Variants in PDGFC observed in about 807,000 individuals in gnomAD.
PDGFC encodes platelet derived growth factor C.
PDGFC carries 12 observed loss-of-function variants against 35.5 expected under a neutral mutation model. The ratio of observed to expected loss-of-function variants is 0.34; its 90% CI spans 0.22 to 0.55. PDGFC has a LOEUF of 0.55. Ranked by LOEUF, PDGFC falls within the 20% of genes least tolerant of loss-of-function variation. PDGFC has a pLI of 0.91. For missense variants in PDGFC, 322 were observed against 412.4 expected (o/e 0.78, Z 1.90); for synonymous variants, 159 against 148.8 (o/e 1.07, Z -0.50).
Position 156,897,059 on chromosome 4 carries a change from A to C in PDGFC, c.119-46643T>G, listed in dbSNP as rs147385893. Reference sequence around the variant, plus strand: ...AGGAGCCCAGTCGATACCTCTTTGCAGTAATAAAGAAATCTTAAAATGTAC... The same window carrying C: ...AGGAGCCCAGTCGATACCTCTTTGCCGTAATAAAGAAATCTTAAAATGTAC... On this transcript the variant is annotated intron_variant, in intron 1 of 5. Transcript: ENST00000502773. 1.4e-4 allele frequency among the ~76,000 whole-genome samples: 21 copies of C among 152,332 alleles called. No homozygotes were observed. The East Asian group carries it at 3.9e-3, about 28-fold the overall frequency.
At chr4:156,888,112 C>CAGA (rs1332260519) in intron 1 of PDGFC, among the ~76,000 whole-genome samples, 1 of 151,528 alleles carries the variant, frequency 6.6e-6, no homozygotes, top group Non-Finnish European at 1.5e-5. Flanking sequence ...AAATTTATGA[C>CAGA]AATTACGGAG....
intron 1 of PDGFC, among the ~76,000 whole-genome samples, chr4:156,858,856 A>C (rs1729643922): frequency 6.6e-6 from 1 of 152,124 alleles, no homozygotes; most frequent in African/African-American, 2.4e-5. Context: ...TTGGAGATTA[A>C]GCATCTGTTA....
chr4:156,782,086 C>G (rs1344548343), intron 3 of PDGFC, among the ~76,000 whole-genome samples: 1 of 152,078 alleles, frequency 6.6e-6, no homozygotes, highest in East Asian at 1.9e-4. Flanking sequence ...CTTGTCCAAC[C>G]CTACAAGGAA....
intron 1 of PDGFC, among the ~76,000 whole-genome samples, chr4:156,933,392 C>T (rs1731599186): frequency 1.3e-5 from 2 of 152,168 alleles, no homozygotes; most frequent in Admixed American, 1.3e-4. Flanking sequence ...AGACACAGAG[C>T]AACACAAAAC....
At chr4:156,957,547 T>C (rs185231205) in intron 1 of PDGFC, among the ~76,000 whole-genome samples, 338 of 152,152 alleles carry the variant, frequency 2.2e-3, no homozygotes, top group African/African-American at 7.8e-3. Context: ...TTTTCCTTCA[T>C]GGCTTCCTCT....
chr4:156,941,852 T>C (rs1318998902), intron 1 of PDGFC, among the ~76,000 whole-genome samples: 1 of 152,120 alleles, frequency 6.6e-6, no homozygotes, highest in African/African-American at 2.4e-5. Context: ...ATGGTCTATT[T>C]TGCAAGAAGA....
chr4:156,832,623 G>A (rs934868151), intron 2 of PDGFC, among the ~76,000 whole-genome samples: 10 of 152,222 alleles, frequency 6.6e-5, no homozygotes, highest in Admixed American at 2.0e-4. Context: ...ATCAATGGCC[G>A]TTATTTTCTT....
At chr4:156,794,859 C>G (rs936079472) in intron 3 of PDGFC, among the ~76,000 whole-genome samples, 3 of 152,100 alleles carry the variant, frequency 2.0e-5, no homozygotes, top group African/African-American at 7.2e-5. Flanking sequence ...AGACACGTTA[C>G]CAATCACCTC....
chr4:156,909,091 A>T (rs1201046335), intron 1 of PDGFC, among the ~76,000 whole-genome samples: 1 of 152,202 alleles, frequency 6.6e-6, no homozygotes, highest in African/African-American at 2.4e-5. Flanking sequence ...AATAAATACC[A>T]GCATTTGAGA....
At chr4:156,854,915 A>C (rs1351121978) in intron 1 of PDGFC, among the ~76,000 whole-genome samples, 1 of 152,136 alleles carries the variant, frequency 6.6e-6, no homozygotes, top group Non-Finnish European at 1.5e-5. Flanking sequence ...AACGAGCTTG[A>C]CATGAAAAAT....
intron 4 of PDGFC, among the ~76,000 whole-genome samples, chr4:156,771,791 C>A (rs1347899367): frequency 2.0e-5 from 3 of 152,154 alleles, no homozygotes; most frequent in African/African-American, 7.2e-5. Context: ...CATATAAATT[C>A]TCTAGGCTGT....
rs537348403 is a variant in PDGFC at position 156,963,827 on chromosome 4, A to T, written c.118+6959T>A. On this transcript the variant is annotated intron_variant, in intron 1 of 5. Coordinates refer to ENST00000502773, the MANE Select transcript of PDGFC (RefSeq NM_016205.3). The stretch of plus-strand genomic sequence containing the variant: ...TATAACAACTTGGCTTTAATTATAA[A>T]CGTAGTTATTATAGTTCCCCTTTAT... Among the ~76,000 whole-genome samples, 186 of 152,268 alleles carry T rather than the reference A, an allele frequency of 1.2e-3. 1 individual carries two copies. Among genetic ancestry groups the T allele is most frequent in the Non-Finnish European group, 1.9e-3 (132 of 68,022 alleles).
intron 1 of PDGFC, among the ~76,000 whole-genome samples, chr4:156,949,667 A>T (rs900693811): frequency 6.6e-5 from 10 of 151,936 alleles, no homozygotes; most frequent in African/African-American, 2.4e-4. Flanking sequence ...CCTAGCCAAG[A>T]AATTTTCTAC....
chr4:156,803,338 T>C (rs1731667599), intron 3 of PDGFC, among the ~76,000 whole-genome samples: 2 of 152,094 alleles, frequency 1.3e-5, no homozygotes, highest in Non-Finnish European at 2.9e-5. Context: ...TGGTATATAG[T>C]TCAAGGCTCA....
intron 1 of PDGFC, among the ~76,000 whole-genome samples, chr4:156,950,718 A>G (rs995401666): frequency 1.3e-5 from 2 of 151,810 alleles, no homozygotes; most frequent in Non-Finnish European, 2.9e-5. Context: ...GCAGTGTTAA[A>G]TCAGAAAAAA....
intron 1 of PDGFC, among the ~76,000 whole-genome samples, chr4:156,850,896 A>C (rs1461360527): frequency 6.6e-6 from 1 of 152,212 alleles, no homozygotes; most frequent in African/African-American, 2.4e-5. Flanking sequence ...TGGCAAAATA[A>C]GAAGGGTATT....
chr4:156,766,358 T>G (rs1019042974), intron 5 of PDGFC, among the ~76,000 whole-genome samples: 7 of 152,118 alleles, frequency 4.6e-5, no homozygotes, highest in African/African-American at 1.7e-4. Flanking sequence ...TTTATTTGGC[T>G]AAAATGTCTT....
intron 1 of PDGFC, among the ~76,000 whole-genome samples, chr4:156,958,419 T>A (rs934860915): frequency 6.6e-6 from 1 of 152,020 alleles, no homozygotes; most frequent in Non-Finnish European, 1.5e-5. Flanking sequence ...CTGAAGCAGT[T>A]ATTTCTGCTG....
rs542798132 is a variant in PDGFC at position 156,910,824 on chromosome 4, G to A, written c.118+59962C>T. Among the ~76,000 whole-genome samples, 7 of 152,080 alleles carry A rather than the reference G, an allele frequency of 4.6e-5. No homozygotes were observed. The East Asian group carries it at 9.7e-4, about 21-fold the overall frequency. ...TCACCATATTTTCATAGGCTCATTC[G>A]ACATCTGTAGATCCCTTTTCTGTGT... On this transcript the variant is annotated intron_variant, in intron 1 of 5. Coordinates refer to ENST00000502773, the MANE Select transcript of PDGFC (RefSeq NM_016205.3).
Sources: gnomAD v4.1 joint callset for allele counts (sites outside exome capture counted in the v4.1 genomes callset) on GRCh38, gnomAD v4.1.1 for gene constraint, MANE v1.5 for transcripts, NCBI Gene and HGNC (gene_info 2026-07-23, HGNC 2026-07-21) for gene names.